The following CNTN4 variants were observed in gnomAD, a reference collection of about 807,000 sequenced individuals.
CNTN4 encodes the protein contactin 4.
CNTN4 carries 77 observed loss-of-function variants against 122.5 expected under a neutral mutation model. The observed-to-expected ratio is 0.63, with a 90% CI of 0.52 to 0.76. CNTN4 has a LOEUF of 0.76. Ranked by LOEUF, CNTN4 falls within the 30% of genes least tolerant of loss-of-function variation. The pLI is 0.00. For missense variants in CNTN4, 1,256 were observed against 1,259.1 expected (o/e 1.00, Z 0.04); for synonymous variants, 512 against 447.0 (o/e 1.15, Z -1.83).
chr3:2,948,235 G>A (rs913852578), intron 13 of CNTN4, among the ~76,000 whole-genome samples: 3 of 152,258 alleles, frequency 2.0e-5, no homozygotes, highest in African/African-American at 2.4e-5. Context: ...TGGCGGTAGC[G>A]TTCCCAGTTG....
At chr3:2,719,314 T>TA (rs1230587328) in intron 4 of CNTN4, among the ~76,000 whole-genome samples, 7 of 150,580 alleles carry the variant, frequency 4.6e-5, no homozygotes, top group African/African-American at 1.5e-4. Flanking sequence ...TTTTTTTTTT[T>TA]AGACAGAGTC....
chr3:2,732,561 T>C (rs1298023472), intron 4 of CNTN4, among the ~76,000 whole-genome samples: 1 of 152,012 alleles, frequency 6.6e-6, no homozygotes, highest in Non-Finnish European at 1.5e-5. Context: ...AAATGCAGTC[T>C]TTTGTATGTG....
At chr3:2,446,968 A>G (rs1262412170) in intron 3 of CNTN4, among the ~76,000 whole-genome samples, 1 of 152,208 alleles carries the variant, frequency 6.6e-6, no homozygotes, top group East Asian at 1.9e-4. Context: ...AGCAAAAAAT[A>G]ACTAGGGGAA....
At chr3:2,959,357 G>A (rs1383563195) in intron 13 of CNTN4, among the ~76,000 whole-genome samples, 2 of 152,118 alleles carry the variant, frequency 1.3e-5, no homozygotes, top group Non-Finnish European at 2.9e-5. Context: ...GAGCGTCTGT[G>A]TAAAGCTCTT....
intron 3 of CNTN4, among the ~76,000 whole-genome samples, chr3:2,548,641 T>C (rs962311568): frequency 1.3e-5 from 2 of 152,154 alleles, no homozygotes; most frequent in Non-Finnish European, 2.9e-5. Context: ...TTGCTTAGGA[T>C]TGTCTTGGTT....
At chr3:3,046,465 G>A (rs541758153) in intron 23 of CNTN4, among the ~76,000 whole-genome samples, 70 of 152,300 alleles carry the variant, frequency 4.6e-4, no homozygotes, top group African/African-American at 1.0e-3. Flanking sequence ...GAGAGTGGGG[G>A]CCAATATTCA....
intron 6 of CNTN4, among the ~76,000 whole-genome samples, chr3:2,756,032 G>A (rs754925500): frequency 4.6e-5 from 7 of 152,192 alleles, no homozygotes; most frequent in Non-Finnish European, 4.4e-5. Context: ...CGGGGAAAAG[G>A]GAGACCACTT....
intron 13 of CNTN4, among the ~76,000 whole-genome samples, chr3:2,926,380 G>T (rs1299848858): frequency 1.3e-5 from 2 of 152,058 alleles, no homozygotes; most frequent in African/African-American, 4.8e-5. Context: ...CATTTAGAAT[G>T]CATGTAGTGT....
At chr3:2,243,208 C>T (rs779151961) in intron 2 of CNTN4, among the ~76,000 whole-genome samples, 1 of 152,116 alleles carries the variant, frequency 6.6e-6, no homozygotes. Context: ...TTGTTAAGAC[C>T]TAGCTCTTTG....
rs191085564 is a variant in CNTN4, at chr3:3,037,980, G to A, written c.2092+652G>A. 6.6e-5 allele frequency among the ~76,000 whole-genome samples: 10 copies of A among 152,274 alleles called. No homozygotes were observed. The East Asian group carries it at 9.7e-4, about 15-fold the overall frequency. On this transcript the variant is annotated intron_variant, in intron 18 of 24. Coordinates refer to ENST00000418658, the MANE Select transcript of CNTN4 (RefSeq NM_175607.3). ...GTAAAGCAAGAGGCCTACATGTGCC[G>A]TCTTTTATAGAGTTCCCGCCTGTAG...
chr3:2,322,276 G>A (rs1387994532), intron 2 of CNTN4, among the ~76,000 whole-genome samples: 1 of 152,082 alleles, frequency 6.6e-6, no homozygotes, highest in Non-Finnish European at 1.5e-5. Flanking sequence ...ATAGCCAAAA[G>A]GTAGAAACAA....
chr3:2,335,560 G>C (rs73807728), intron 2 of CNTN4, among the ~76,000 whole-genome samples: 612 of 145,616 alleles, frequency 4.2e-3, no homozygotes, highest in African/African-American at 0.015. Flanking sequence ...CAGCACAAAA[G>C]CGGCCCAGAA....
chr3:2,297,555 C>T (rs757804940), intron 2 of CNTN4, among the ~76,000 whole-genome samples: 1 of 152,122 alleles, frequency 6.6e-6, no homozygotes, highest in Non-Finnish European at 1.5e-5. Context: ...TTCACCCTGC[C>T]CATTTAATCC....
intron 3 of CNTN4, among the ~76,000 whole-genome samples, chr3:2,461,538 T>C (rs558312270): frequency 2.0e-5 from 3 of 152,292 alleles, no homozygotes; most frequent in Admixed American, 6.5e-5. Flanking sequence ...CGTGGTCTGA[T>C]TCTAGAACCT....
Position 2,701,505 on chromosome 3 carries a change from G to T in CNTN4, c.56-34710G>T, listed in dbSNP as rs544385058. 6.6e-5 allele frequency among the ~76,000 whole-genome samples: 10 copies of T among 152,334 alleles called. No homozygotes were observed. In the East Asian group the frequency reaches 1.7e-3, roughly 26 times the overall value. ...GGGCGTTTGAGCTGCAATTCAGAAG[G>T]TTCTGAAGATCCACTTATCCAATTT... On this transcript the variant is annotated intron_variant, in intron 4 of 24. Transcript: ENST00000418658.
intron 4 of CNTN4, among the ~76,000 whole-genome samples, chr3:2,613,355 A>C (rs2081579302): frequency 6.6e-6 from 1 of 152,092 alleles, no homozygotes; most frequent in Admixed American, 6.6e-5. Flanking sequence ...ATTTACTTAG[A>C]TCAACCGTGA....
intron 2 of CNTN4, among the ~76,000 whole-genome samples, chr3:2,177,456 A>G (rs559652634): frequency 3.3e-5 from 5 of 151,904 alleles, no homozygotes; most frequent in Non-Finnish European, 7.4e-5. Context: ...TGCTCACCAC[A>G]CTTCTTGAGG....
At chr3:2,820,928 T>C (rs576330517) in intron 7 of CNTN4, among the ~76,000 whole-genome samples, 30 of 151,124 alleles carry the variant, frequency 2.0e-4, no homozygotes, top group Admixed American at 6.0e-4. Context: ...TGTTCTTTTA[T>C]ATTCTTTTTC....
At chr3:2,414,319 C>T (rs10222450) in intron 3 of CNTN4, among the ~76,000 whole-genome samples, 4,409 of 152,130 alleles carry the variant, frequency 0.029, 188 homozygotes, top group African/African-American at 0.093. Flanking sequence ...TAGCATATTG[C>T]GTGCGCTTAG....
Sources: allele counts gnomAD v4.1 joint callset (sites outside exome capture counted in the v4.1 genomes callset), GRCh38; gene constraint gnomAD v4.1.1; transcripts MANE v1.5; gene names NCBI Gene and HGNC (gene_info 2026-07-23, HGNC 2026-07-21).